The following FANCM variants were observed in gnomAD, a reference collection of about 807,000 sequenced individuals.
FANCM encodes the protein FA complementation group M.
In FANCM, 140 loss-of-function variants were observed where a neutral mutation model predicts 199.5. The observed-to-expected ratio is 0.70, with a 90% CI of 0.61 to 0.81. The LOEUF is 0.81. FANCM is among the 30% of genes least tolerant of loss of function. FANCM has a pLI of 0.00. For missense variants in FANCM, 2,410 were observed against 2,421.4 expected, an observed-to-expected ratio of 1.00 and a Z score of 0.10; for synonymous variants, 840 against 836.8, an observed-to-expected ratio of 1.00 and a Z score of -0.07.
intron 10 of FANCM, 55 bp downstream of exon 10, chr14:45,164,620 C>A: frequency 7.6e-7 from 1 of 1,320,042 alleles, no homozygotes; most frequent in Non-Finnish European, 1.1e-6. Context: ...AAATACAGCC[C>A]AAAGGTGAAT....
At chr14:45,167,967 A>G (rs1428842658) in intron 11 of FANCM, among the ~76,000 whole-genome samples, 2 of 152,150 alleles carry the variant, frequency 1.3e-5, no homozygotes, top group Non-Finnish European at 2.9e-5. Flanking sequence ...ACGGCCCTGT[A>G]TAGTAGAAGA....
At chr14:45,169,579 T>G (rs1046431885) in intron 11 of FANCM, among the ~76,000 whole-genome samples, 73 of 151,938 alleles carry the variant, frequency 4.8e-4, no homozygotes, top group Non-Finnish European at 7.6e-4. Flanking sequence ...TTATTTTATT[T>G]TTTTAGACTT....
intron 1 of FANCM, among the ~76,000 whole-genome samples, chr14:45,136,814 G>A (rs1245099584): frequency 6.6e-6 from 1 of 152,180 alleles, no homozygotes; most frequent in Non-Finnish European, 1.5e-5. Context: ...TTTCTCAGTT[G>A]AAGAATTTGC....
At position 45,137,108 on chromosome 14, in the gene FANCM, G is replaced by A. The variant is rs961990525; in HGVS notation, c.548G>A (p.Ser183Asn). The change falls in exon 2 of 23, where the codon AGT (serine) becomes AAT (asparagine). Residue 183 changes from serine to asparagine, a missense_variant. By Grantham distance (46) the Ser-to-Asn change is conservative. Transcript: ENST00000267430. ...TCCACCAGGAAGGAAATATGGTGCA[G>A]TAAGAGAGTGCTTTTTCTTACACCT... ...QASTRKEIWC[S>N]KRVLFLTPQV... The A allele has an allele frequency of 3.7e-6, 6 of 1,613,494 alleles. No homozygotes were observed. The Admixed American group carries it at 5.0e-5, about 13-fold the overall frequency.
chr14:45,176,070 C>G lies in FANCM; in HGVS notation c.3316C>G (p.Pro1106Ala). 1.2e-6 allele frequency: 2 copies of G among 1,613,848 alleles called. No homozygotes were observed. The highest frequency in any genetic ancestry group is 1.7e-6 in the Non-Finnish European group (2 of 1,179,936). Residue 1106 changes from proline (P) to alanine (A), a missense_variant, in exon 14 of 23, where the codon CCT (proline) becomes GCT (alanine). Transcript: ENST00000267430. ...PNNRVQIHRS[P>A]AQNLVGENNH... Reference sequence around the variant, plus strand: ...CAATCGTGTTCAAATACACAGAAGCCCTGCACAGAATTTAGTTGGAGAGAA... The same window carrying G: ...CAATCGTGTTCAAATACACAGAAGCGCTGCACAGAATTTAGTTGGAGAGAA...
At chr14:45,143,057 A>AT (rs2139128305) in intron 3 of FANCM, among the ~76,000 whole-genome samples, 1 of 151,264 alleles carries the variant, frequency 6.6e-6, no homozygotes, top group South Asian at 2.1e-4. Context: ...TGCAATAAAG[A>AT]TTTTTTTTCC....
intron 2 of FANCM, chr14:45,137,735 C>T (rs1885623963): frequency 6.0e-6 from 1 of 167,260 alleles, no homozygotes; most frequent in Admixed American, 5.6e-5. Context: ...TCATTCATAT[C>T]TTTGCACTGA....
At chr14:45,152,060 G>T (rs373024223) in intron 5 of FANCM, among the ~76,000 whole-genome samples, 80 of 144,518 alleles carry the variant, frequency 5.5e-4, no homozygotes, top group African/African-American at 1.7e-3. Flanking sequence ...ACAGAATTTC[G>T]CTCTATTGCC....
In FANCM at chr14:45,198,940, G is replaced by A. The variant is rs1890219660; in HGVS notation, c.6008+5G>A. 11 of 1,592,366 alleles carry A rather than the reference G, an allele frequency of 6.9e-6. No homozygotes were observed. The highest frequency in any genetic ancestry group is 8.6e-6 in the Non-Finnish European group (10 of 1,161,566). ...TGTGAAAAGGATGGCTAACAGGTAT[G>A]TCTGTTGTAATATTTTTAAATGATT... On this transcript the variant is annotated splice_donor_5th_base_variant and intron_variant, in intron 22 of 22. Transcript: ENST00000267430.
chr14:45,198,942 C>G lies in FANCM; in HGVS notation c.6008+7C>G, dbSNP rs759274528. The stretch of plus-strand genomic sequence containing the variant: ...TGAAAAGGATGGCTAACAGGTATGT[C>G]TGTTGTAATATTTTTAAATGATTAC... On this transcript the variant is annotated splice_region_variant and intron_variant, in intron 22 of 22. Transcript: ENST00000267430. 1.9e-6 allele frequency: 3 copies of G among 1,590,030 alleles called. No individual in the cohort carries two copies. The East Asian group carries it at 6.7e-5, about 36-fold the overall frequency.
At position 45,200,598 on chromosome 14, in the gene FANCM, A is replaced by G. The variant is rs1169776901; in HGVS notation, c.*590A>G. 1 of 152,258 alleles carries G rather than the reference A, an allele frequency of 6.6e-6. No homozygotes were observed. The highest frequency in any genetic ancestry group is 2.4e-5 in the African/African-American group (1 of 41,446). The allele number at this position is 152,258 out of a possible 1,614,324, so 9.4% of individuals were successfully genotyped here. A position where few individuals can be genotyped will look rare whatever the true frequency, so the allele number is the denominator to read the frequency against. The stretch of plus-strand genomic sequence containing the variant: ...TCTGATATGGTTTGGCTGTGTCCCC[A>G]ACCAAAATCTCATCTTGACTTGTAA... On this transcript the variant is annotated 3_prime_UTR_variant, in exon 23 of 23. Transcript: ENST00000267430.
intron 9 of FANCM, among the ~76,000 whole-genome samples, chr14:45,162,371 T>C (rs1887668038): frequency 1.3e-5 from 2 of 152,196 alleles, no homozygotes; most frequent in African/African-American, 4.8e-5. Context: ...CTTTTCAAAC[T>C]ATTGAAACTG....
At chr14:45,143,372 G>A (rs1886117718) in intron 3 of FANCM, among the ~76,000 whole-genome samples, 1 of 151,904 alleles carries the variant, frequency 6.6e-6, no homozygotes, top group South Asian at 2.1e-4. Context: ...TCCCATTGTT[G>A]CCCAGGCTGG....
chr14:45,148,654 C>T (rs1020926070), intron 3 of FANCM, among the ~76,000 whole-genome samples, 183 bp from the exon 4 acceptor site: 1 of 152,140 alleles, frequency 6.6e-6, no homozygotes, highest in Non-Finnish European at 1.5e-5. Context: ...AAGCACTTTT[C>T]ACCTGTTGTG....
chr14:45,145,248 A>C (rs1362848894), intron 3 of FANCM, among the ~76,000 whole-genome samples: 1 of 151,492 alleles, frequency 6.6e-6, no homozygotes, highest in Non-Finnish European at 1.5e-5. Flanking sequence ...CTCAAGCAGA[A>C]GGAAGGAGTC....
At chr14:45,187,988 G>T in intron 19 of FANCM, 101 bp downstream of exon 19, 1 of 705,452 alleles carries the variant, frequency 1.4e-6, no homozygotes, top group Non-Finnish European at 2.6e-6. Context: ...TGGGCTGTCA[G>T]AGCTATTTGA....
intron 17 of FANCM, among the ~76,000 whole-genome samples, chr14:45,184,113 G>T (rs749767879): frequency 2.0e-5 from 3 of 151,726 alleles, no homozygotes; most frequent in African/African-American, 7.3e-5. Flanking sequence ...GCAGTGTTGT[G>T]TTACTTTGAA....
intron 2 of FANCM, among the ~76,000 whole-genome samples, chr14:45,139,025 A>G (rs1885725544): frequency 6.6e-6 from 1 of 152,228 alleles, no homozygotes; most frequent in African/African-American, 2.4e-5. Flanking sequence ...ATCTGAAAGA[A>G]CACTTTGAAT....
In FANCM at chr14:45,175,366, A is replaced by G; in HGVS notation, c.2612A>G (p.Asn871Ser). 6.4e-7 allele frequency: 1 copy of G among 1,559,392 alleles called. No individual in the cohort carries two copies. The highest frequency in any genetic ancestry group is 8.7e-7 in the Non-Finnish European group (1 of 1,150,844). Reference protein sequence around the residue: ...IKKDQLKKENNHGIIDSVDND... With the variant: ...IKKDQLKKENSHGIIDSVDND... The stretch of plus-strand genomic sequence containing the variant: ...AAAGATCAGCTTAAAAAAGAAAATA[A>G]TCACGGTATTATAGATTCTGTAGAT... The change falls in exon 14 of 23, where the codon AAT (asparagine) becomes AGT (serine). Residue 871 changes from asparagine (N) to serine (S), a missense_variant. By Grantham distance (46) the Asn-to-Ser change is conservative. Coordinates refer to ENST00000267430, the MANE Select transcript of FANCM (RefSeq NM_020937.4).
Sources: gnomAD v4.1 joint callset for allele counts (sites outside exome capture counted in the v4.1 genomes callset) on GRCh38, gnomAD v4.1.1 for gene constraint, MANE v1.5 for transcripts, NCBI Gene and HGNC (gene_info 2026-07-23, HGNC 2026-07-21) for gene names.